Variants in TRIP11 observed in about 807,000 individuals in gnomAD.
TRIP11 encodes the protein thyroid hormone receptor interactor 11.
A neutral mutation model predicts 223.1 loss-of-function variants in TRIP11; 148 were observed. That is an observed-to-expected ratio of 0.66 (90% confidence interval 0.58 to 0.76). TRIP11 has a LOEUF of 0.76. Ranked by LOEUF, TRIP11 falls within the 30% of genes least tolerant of loss-of-function variation. TRIP11 has a pLI of 0.00. For missense variants in TRIP11, 2,043 were observed against 2,222.0 expected (o/e 0.92, Z 1.62); for synonymous variants, 762 against 772.6 (o/e 0.99, Z 0.23).
rs1006810590 is a variant in TRIP11, at chr14:91,978,853, A to G, written c.5261-2664T>C. ...ACCTATAGCTTTTTACTGTTTTAAC[A>G]TGGCCACTAAAAAATTTAAAATTGC... On this transcript the variant is annotated intron_variant, in intron 16 of 20. Coordinates refer to ENST00000267622, the MANE Select transcript of TRIP11 (RefSeq NM_004239.4). The surrounding 1 kb of genome is among the most constrained non-coding windows in gnomAD (Gnocchi z 4.4). 1.3e-5 allele frequency among the ~76,000 whole-genome samples: 2 copies of G among 152,238 alleles called. No homozygotes were observed. Among genetic ancestry groups the G allele is most frequent in the African/African-American group, 4.8e-5 (2 of 41,462 alleles).
At chr14:92,009,156 T>A (rs888326251) in intron 9 of TRIP11, among the ~76,000 whole-genome samples, 1 of 152,224 alleles carries the variant, frequency 6.6e-6, no homozygotes, top group African/African-American at 2.4e-5. Context: ...TTTAGGTAGA[T>A]CTTAAAAGCA....
At position 92,025,335 on chromosome 14, in the gene TRIP11, T is replaced by C. The variant is rs2057168087; in HGVS notation, c.287A>G (p.Tyr96Cys). The C allele has an allele frequency of 6.2e-7, 1 of 1,613,536 alleles. No homozygotes were observed. The highest frequency in any genetic ancestry group is 1.1e-5 in the South Asian group (1 of 91,086). ...EIQIKQQSTS[Y>C]RNQLQQKEVE... ...CTCTTTTTGTTGAAGTTGATTTCGG[T>C]AACTTGTAGATTGCTGCTTTATTTG... is the stretch of plus-strand genomic sequence containing the variant. Residue 96 changes from tyrosine to cysteine, a missense_variant, in exon 3 of 21, where the codon TAC becomes TGC. Coordinates refer to ENST00000267622, the MANE Select transcript of TRIP11 (RefSeq NM_004239.4).
intron 7 of TRIP11, among the ~76,000 whole-genome samples, chr14:92,012,842 A>G (rs1466149552): frequency 1.3e-5 from 2 of 152,232 alleles, no homozygotes; most frequent in Admixed American, 6.5e-5. Flanking sequence ...TTTAAACATC[A>G]TCCCGAAGTT....
intron 13 of TRIP11, 132 bp from the exon 14 acceptor site, chr14:91,995,647 G>C (rs1279265131): frequency 2.3e-6 from 2 of 883,872 alleles, no homozygotes; most frequent in Non-Finnish European, 3.2e-6. Flanking sequence ...ACAGAGTCTC[G>C]CTCTGTCACC....
At chr14:91,997,569 T>C (rs545995436) in intron 13 of TRIP11, among the ~76,000 whole-genome samples, 6 of 151,738 alleles carry the variant, frequency 4.0e-5, no homozygotes, top group African/African-American at 1.2e-4. Context: ...AGGAAGAAAA[T>C]GGAATTGAAG....
intron 14 of TRIP11, 28 bp from the exon 15 acceptor site, chr14:91,993,940 T>A (rs779650982): frequency 3.2e-4 from 500 of 1,547,142 alleles, no homozygotes; most frequent in Non-Finnish European, 4.3e-4. Context: ...TTAACATTAG[T>A]ATTTTGCAAT....
chr14:91,972,998 C>T, intron 19 of TRIP11, 137 bp from the exon 20 acceptor site: 21 of 691,268 alleles, frequency 3.0e-5, no homozygotes, highest in South Asian at 5.1e-5. Context: ...TACAAATCAG[C>T]TTTATGAACA....
rs2056861207 is a variant in TRIP11, at chr14:92,003,897, T to C, written c.4079A>G (p.Asp1360Gly). Reference sequence around the variant, plus strand: ...TTCCTGGAGAGTTCTAATTGTTGCATCTTTTTCCTGTAGTGATTTTCTTAG... The same window carrying C: ...TTCCTGGAGAGTTCTAATTGTTGCACCTTTTTCCTGTAGTGATTTTCTTAG... ...EELRKSLQEKDATIRTLQENN... is the reference protein window; with the variant it reads ...EELRKSLQEKGATIRTLQENN... Residue 1360 changes from aspartate to glycine, a missense_variant, in exon 11 of 21, where the codon GAT becomes GGT. By Grantham distance (94) the Asp-to-Gly change is moderately conservative. Transcript: ENST00000267622. 1.2e-6 allele frequency: 2 copies of C among 1,614,100 alleles called. No individual in the cohort carries two copies. The highest frequency in any genetic ancestry group is 1.7e-6 in the Non-Finnish European group (2 of 1,180,046).
At position 92,040,009 on chromosome 14, in the gene TRIP11, C is replaced by A. The variant is rs1201330626; in HGVS notation, c.-324G>T. ...TCCTCAGTTCCGTGGGTTACTCCTG[C>A]CAACTCGACGCCGGCCGCCATGACA... On this transcript the variant is annotated 5_prime_UTR_variant, in exon 1 of 21. Transcript: ENST00000267622. 4 of 442,084 alleles carry A rather than the reference C, an allele frequency of 9.0e-6. No homozygotes were observed. The highest frequency in any genetic ancestry group is 5.9e-5 in the African/African-American group (3 of 51,234). 27.4% of individuals were successfully genotyped at this position (442,084 alleles called of 1,614,324 possible).
rs1405167929 is a variant in TRIP11, at chr14:91,981,006, A to ATT, written c.5261-4818_5261-4817insAA. Among the ~76,000 whole-genome samples, 76 of 66,112 alleles carry ATT rather than the reference A, an allele frequency of 1.1e-3. 3 individuals carry two copies. Among genetic ancestry groups the ATT allele is most frequent in the African/African-American group, 5.5e-3 (68 of 12,276 alleles). 43.4% of individuals were successfully genotyped at this position (66,112 alleles called of 152,430 possible). ...ATATGTATATTATATATATATATAT[A>ATT]TATATATTTTTTTTTTTTTTTTTTT... On this transcript the variant is annotated intron_variant, in intron 16 of 20. Coordinates refer to ENST00000267622, the MANE Select transcript of TRIP11 (RefSeq NM_004239.4).
At position 92,006,179 on chromosome 14, in the gene TRIP11, A is replaced by G; in HGVS notation, c.1797T>C (p.Asn599=). ...VDQLNKSQES[N]VSIQKENLEL... is the part of the protein sequence containing the mutation. ...CTAAATTCTCCTTCTGGATGCTTACATTACTTTCTTGTGATTTATTTAGCT... is the reference window on the plus strand; with the variant it reads ...CTAAATTCTCCTTCTGGATGCTTACGTTACTTTCTTGTGATTTATTTAGCT... Residue 599 remains asparagine, a synonymous_variant, in exon 11 of 21, where the codon AAT becomes AAC. Coordinates refer to ENST00000267622, the MANE Select transcript of TRIP11 (RefSeq NM_004239.4). 4.3e-6 allele frequency: 7 copies of G among 1,613,176 alleles called. 1 individual carries two copies. In the South Asian group the frequency reaches 7.7e-5, roughly 18 times the overall value.
At position 92,039,847 on chromosome 14, in the gene TRIP11, G is replaced by C; in HGVS notation, c.-162C>G. On this transcript the variant is annotated 5_prime_UTR_variant, in exon 1 of 21. Transcript: ENST00000267622. Reference sequence around the variant, plus strand: ...CAAGGCCGACTCCAGGTTCTGCCTAGAAACGCAGAGGCCTGGCCTGGAATT... The same window carrying C: ...CAAGGCCGACTCCAGGTTCTGCCTACAAACGCAGAGGCCTGGCCTGGAATT... 6.9e-7 allele frequency: 1 copy of C among 1,452,458 alleles called. No individual in the cohort carries two copies. Among genetic ancestry groups the C allele is most frequent in the Non-Finnish European group, 9.3e-7 (1 of 1,072,086 alleles). 90.0% of individuals were successfully genotyped at this position (1,452,458 alleles called of 1,614,324 possible).
chr14:92,014,571 G>C lies in TRIP11; in HGVS notation c.830C>G (p.Ser277Cys), dbSNP rs373532678. ...AGAGAGATCAGTTTCTATAACTCCA[G>C]AGCCACCTAGAACATAAACACAAAA... ...ELENLLQQGG[S>C]GVIETDLSKI... The change falls in exon 7 of 21, where the codon TCT (serine) becomes TGT (cysteine). Residue 277 changes from serine to cysteine, a missense_variant. Physicochemically the swap from Ser to Cys is moderately radical, Grantham distance 112. Coordinates refer to ENST00000267622, the MANE Select transcript of TRIP11 (RefSeq NM_004239.4). The C allele has an allele frequency of 3.1e-6, 5 of 1,602,506 alleles. No homozygotes were observed. Among genetic ancestry groups the C allele is most frequent in the Non-Finnish European group, 4.2e-6 (5 of 1,177,682 alleles).
intron 1 of TRIP11, among the ~76,000 whole-genome samples, chr14:92,038,452 A>G (rs1320706174): frequency 6.6e-6 from 1 of 152,094 alleles, no homozygotes; most frequent in Non-Finnish European, 1.5e-5. Context: ...TCACTGATGC[A>G]CCTTTATGGC....
intron 9 of TRIP11, among the ~76,000 whole-genome samples, chr14:92,009,514 A>T (rs2056945339): frequency 6.6e-6 from 1 of 152,252 alleles, no homozygotes; most frequent in South Asian, 2.1e-4. Context: ...TGCAAACTAC[A>T]AACGACTAGG....
At position 92,003,592 on chromosome 14, in the gene TRIP11, T is replaced by C. The variant is rs762643838; in HGVS notation, c.4384A>G (p.Lys1462Glu). ...LILEMDIGKLKGENEKIVETY... is the reference protein window; with the variant it reads ...LILEMDIGKLEGENEKIVETY... ...TCCACTATTTTTTCATTTTCTCCTTTTAGTTTGCCAATGTCCATCTCTAGA... is the reference window on the plus strand; with the variant it reads ...TCCACTATTTTTTCATTTTCTCCTTCTAGTTTGCCAATGTCCATCTCTAGA... Residue 1462 changes from lysine (K) to glutamate (E), a missense_variant, in exon 11 of 21, where the codon AAA becomes GAA. Coordinates refer to ENST00000267622, the MANE Select transcript of TRIP11 (RefSeq NM_004239.4). 7.1e-5 allele frequency: 115 copies of C among 1,614,204 alleles called. No individual in the cohort carries two copies. In the South Asian group the frequency reaches 1.2e-3, roughly 17 times the overall value.
chr14:92,024,056 A>G (rs913118203), intron 3 of TRIP11, among the ~76,000 whole-genome samples: 1 of 140,894 alleles, frequency 7.1e-6, no homozygotes, highest in African/African-American at 2.9e-5. Flanking sequence ...GGGAATCAAG[A>G]AAAAAAAAAA....
Position 92,004,153 on chromosome 14 carries a change from C to T in TRIP11, c.3823G>A (p.Glu1275Lys), listed in dbSNP as rs776794960. The part of the protein sequence containing the change: ...VDYTGLIQSY[E>K]QNETKLKNFG... ...TTTTTGAGTTTGGTTTCATTCTGCT[C>T]ATAACTTTGGATCAGGCCAGTATAG... The change falls in exon 11 of 21, where the codon GAG becomes AAG. Residue 1275 changes from glutamate (E) to lysine (K), a missense_variant. By Grantham distance (56) the Glu-to-Lys change is moderately conservative. Coordinates refer to ENST00000267622, the MANE Select transcript of TRIP11 (RefSeq NM_004239.4). 45 of 1,614,006 alleles carry T rather than the reference C, an allele frequency of 2.8e-5. No homozygotes were observed. The highest frequency in any genetic ancestry group is 3.8e-5 in the Non-Finnish European group (45 of 1,180,044).
rs552871697 is a variant in TRIP11 at position 92,018,903 on chromosome 14, G to A, written c.589-1153C>T. Among the ~76,000 whole-genome samples, 262 of 137,800 alleles carry A rather than the reference G, an allele frequency of 1.9e-3. 1 individual carries two copies. The highest frequency in any genetic ancestry group is 6.4e-3 in the African/African-American group (239 of 37,386). The allele number at this position is 137,800 out of a possible 152,430, so 90.4% of individuals were successfully genotyped here. On this transcript the variant is annotated intron_variant, in intron 4 of 20. Transcript: ENST00000267622. Reference sequence around the variant, plus strand: ...TTGAACCTGGGAGGCAGAGGTTGCAGTGAGCCGAGATCCCACCACTGCACT... The same window carrying A: ...TTGAACCTGGGAGGCAGAGGTTGCAATGAGCCGAGATCCCACCACTGCACT...
Sources: gnomAD v4.1 joint callset for allele counts (sites outside exome capture counted in the v4.1 genomes callset) on GRCh38, gnomAD v4.1.1 for gene constraint, Gnocchi (gnomAD v3.1) non-coding constraint, MANE v1.5 for transcripts, NCBI Gene and HGNC (gene_info 2026-07-23, HGNC 2026-07-21) for gene names.